The following RIMKLA variants were observed in gnomAD, a reference collection of about 807,000 sequenced individuals.
RIMKLA encodes the protein ribosomal modification protein rimK like family member A, also known as N-acetylaspartylglutamate synthase A.
RIMKLA carries 14 observed loss-of-function variants against 32.7 expected under a neutral mutation model. The ratio of observed to expected loss-of-function variants is 0.43; its 90% CI spans 0.28 to 0.67. The LOEUF is 0.67. Among genes scored for constraint, RIMKLA ranks in the 30% least tolerant of loss-of-function variants. The pLI is 0.18. For missense variants in RIMKLA, 410 were observed against 519.0 expected, an observed-to-expected ratio of 0.79 and a Z score of 2.04; for synonymous variants, 176 against 204.1, an observed-to-expected ratio of 0.86 and a Z score of 1.18.
rs1420276203 is a variant in RIMKLA, at chr1:42,417,484, T to G, written c.*2510T>G. ...CAGAGCCTGGTTCTGGTTCTCCGCT[T>G]GAACAGCTGACCTCGTGCAATCACA... On this transcript the variant is annotated 3_prime_UTR_variant, in exon 5 of 5. Coordinates refer to ENST00000431473, the MANE Select transcript of RIMKLA (RefSeq NM_173642.4). 6.6e-6 allele frequency: 1 copy of G among 152,160 alleles called. No individual in the cohort carries two copies. Among genetic ancestry groups the G allele is most frequent in the Non-Finnish European group, 1.5e-5 (1 of 68,020 alleles). 9.4% of individuals were successfully genotyped at this position (152,160 alleles called of 1,614,324 possible).
intron 3 of RIMKLA, among the ~76,000 whole-genome samples, chr1:42,407,903 A>T (rs1643161326): frequency 6.6e-6 from 1 of 152,170 alleles, no homozygotes. Flanking sequence ...TTCTTGCCTT[A>T]AAACTGTGGC....
chr1:42,414,556 G>C lies in RIMKLA; in HGVS notation c.758G>C (p.Gly253Ala). Residue 253 changes from glycine (G) to alanine (A), a missense_variant, in exon 5 of 5, where the codon GGC (glycine) becomes GCC (alanine). Coordinates refer to ENST00000431473, the MANE Select transcript of RIMKLA (RefSeq NM_173642.4). ...GCTATTCAGGTGTCCAACATCCTAG[G>C]CATGGACTTCTGTGGCATTGATCTC... ...QLAIQVSNIL[G>A]MDFCGIDLLI... is the part of the protein sequence containing the mutation. The C allele has an allele frequency of 6.2e-7, 1 of 1,614,194 alleles. No individual in the cohort carries two copies. The highest frequency in any genetic ancestry group is 8.5e-7 in the Non-Finnish European group (1 of 1,180,018).
At chr1:42,399,671 A>G in intron 2 of RIMKLA, 37 bp downstream of exon 2, 3 of 1,286,456 alleles carry the variant, frequency 2.3e-6, no homozygotes, top group Non-Finnish European at 3.3e-6. Flanking sequence ...AATCATGTGC[A>G]TCTCTGTTTT....
chr1:42,414,889 G>A lies in RIMKLA; in HGVS notation c.1091G>A (p.Ser364Asn). Reference sequence around the variant, plus strand: ...GGAGAGATCCGGGATTCCTCAGCAAGCACAATGGGGGCCCCACCCTCCATG... The same window carrying A: ...GGAGAGATCCGGGATTCCTCAGCAAACACAATGGGGGCCCCACCCTCCATG... ...ELGEIRDSSA[S>N]TMGAPPSMLP... Residue 364 changes from serine (S) to asparagine (N), a missense_variant, in exon 5 of 5, where the codon AGC (serine) becomes AAC (asparagine). Transcript: ENST00000431473. The A allele has an allele frequency of 3.1e-6, 5 of 1,614,180 alleles. No homozygotes were observed. The highest frequency in any genetic ancestry group is 4.2e-6 in the Non-Finnish European group (5 of 1,180,038).
chr1:42,409,093 T>C (rs1643173869), intron 3 of RIMKLA, among the ~76,000 whole-genome samples: 1 of 149,060 alleles, frequency 6.7e-6, no homozygotes, highest in Non-Finnish European at 1.5e-5. Context: ...TCCCAGCTAC[T>C]CCAGAGGCTA....
chr1:42,396,738 G>A (rs17369712), intron 1 of RIMKLA, among the ~76,000 whole-genome samples: 27,612 of 152,130 alleles, frequency 0.18, 2,610 homozygotes, highest in East Asian at 0.22. Context: ...ATCTCCATAA[G>A]TTGTCCTACT....
At chr1:42,414,202 A>C (rs1204146622) in intron 4 of RIMKLA, among the ~76,000 whole-genome samples, 3 of 151,672 alleles carry the variant, frequency 2.0e-5, no homozygotes, top group Admixed American at 2.0e-4. Context: ...TATTTTAAAT[A>C]ATACTGCCAT....
chr1:42,387,665 G>T (rs115861481), intron 1 of RIMKLA, among the ~76,000 whole-genome samples: 17 of 152,056 alleles, frequency 1.1e-4, no homozygotes, highest in African/African-American at 3.4e-4. Flanking sequence ...CAGGCTTCAC[G>T]CTCATTATTA....
chr1:42,411,608 G>A (rs1276428782), intron 4 of RIMKLA, among the ~76,000 whole-genome samples: 1 of 151,656 alleles, frequency 6.6e-6, no homozygotes, highest in Admixed American at 6.6e-5. Flanking sequence ...TTATAGGTGT[G>A]TACCACCACA....
intron 1 of RIMKLA, among the ~76,000 whole-genome samples, chr1:42,391,549 A>G (rs1233766520): frequency 1.3e-5 from 2 of 152,170 alleles, no homozygotes; most frequent in Non-Finnish European, 2.9e-5. Context: ...CTTGACTCAG[A>G]AAAAGAAGGA....
chr1:42,385,899 C>CTTTCTTTCTTTCT, intron 1 of RIMKLA, among the ~76,000 whole-genome samples: 1 of 24,032 alleles, frequency 4.2e-5, no homozygotes, highest in South Asian at 1.2e-3. Context: ...TCTTTCTTTC[C>CTTTCTTTCTTTCT]TTCTTTCCTT....
At chr1:42,384,565 A>ATATATATGTG (rs1225284548) in intron 1 of RIMKLA, among the ~76,000 whole-genome samples, 1 of 147,042 alleles carries the variant, frequency 6.8e-6, no homozygotes, top group South Asian at 2.1e-4. Flanking sequence ...GTATATATAC[A>ATATATATGTG]TATATATGTG....
At chr1:42,391,782 C>T (rs1312422235) in intron 1 of RIMKLA, among the ~76,000 whole-genome samples, 1 of 152,102 alleles carries the variant, frequency 6.6e-6, no homozygotes, top group African/African-American at 2.4e-5. Flanking sequence ...GCTTTGTCTT[C>T]ATAGCTGAAG....
Position 42,414,822 on chromosome 1 carries a change from A to G in RIMKLA, c.1024A>G (p.Ile342Val). ...GGGAGTTGCAGAGAGCGTCTATACC[A>G]TCAACAGTGGGTCTACCTCTAGTGA... is the stretch of plus-strand genomic sequence containing the variant. The part of the protein sequence containing the change: ...AQGVAESVYT[I>V]NSGSTSSESE... Residue 342 changes from isoleucine (I) to valine (V), a missense_variant, in exon 5 of 5, where the codon ATC becomes GTC. By Grantham distance (29) the Ile-to-Val change is conservative. Coordinates refer to ENST00000431473, the MANE Select transcript of RIMKLA (RefSeq NM_173642.4). 6.2e-7 allele frequency: 1 copy of G among 1,614,166 alleles called. No individual in the cohort carries two copies. The highest frequency in any genetic ancestry group is 8.5e-7 in the Non-Finnish European group (1 of 1,180,036).
intron 3 of RIMKLA, among the ~76,000 whole-genome samples, chr1:42,406,427 T>C (rs1045413345): frequency 6.6e-6 from 1 of 152,234 alleles, no homozygotes; most frequent in Admixed American, 6.5e-5. Flanking sequence ...AATAATACTT[T>C]CTGTTACTAT....
In RIMKLA at chr1:42,380,855, C is replaced by A; in HGVS notation, c.-80C>A. 1 of 984,670 alleles carries A rather than the reference C, an allele frequency of 1.0e-6. No individual in the cohort carries two copies. The highest frequency in any genetic ancestry group is 4.9e-5 in the South Asian group (1 of 20,530). 61.0% of individuals were successfully genotyped at this position (984,670 alleles called of 1,614,324 possible). A position where few individuals can be genotyped will look rare whatever the true frequency, so the allele number is the denominator to read the frequency against. On this transcript the variant is annotated 5_prime_UTR_variant, in exon 1 of 5. Transcript: ENST00000431473. ...GCGCGCTCGCCCCGGACGCCGGCCG[C>A]CCCTCCGCTCGCCCTACTGAGCGAG...
At position 42,416,088 on chromosome 1, in the gene RIMKLA, G is replaced by A. The variant is rs1325983577; in HGVS notation, c.*1114G>A. 3 of 28,572 alleles carry A rather than the reference G, an allele frequency of 1.0e-4. No individual in the cohort carries two copies. The highest frequency in any genetic ancestry group is 7.4e-5 in the Non-Finnish European group (1 of 13,516). 1.8% of individuals were successfully genotyped at this position (28,572 alleles called of 1,614,324 possible). On this transcript the variant is annotated 3_prime_UTR_variant, in exon 5 of 5. Transcript: ENST00000431473. Reference sequence around the variant, plus strand: ...AGGAATTACCCATTGCACATTTTGCGGGGGGGGGGGCTAATGTAGACATGA... The same window carrying A: ...AGGAATTACCCATTGCACATTTTGCAGGGGGGGGGGCTAATGTAGACATGA...
At chr1:42,404,348 C>CCTTAAACAAGGTAAG (rs1643126236) in intron 2 of RIMKLA, among the ~76,000 whole-genome samples, 163 bp from the exon 3 acceptor site, 1 of 152,176 alleles carries the variant, frequency 6.6e-6, no homozygotes, top group South Asian at 2.1e-4. Flanking sequence ...CCACCTTTTA[C>CCTTAAACAAGGTAAG]CTTGCAGGTA....
intron 1 of RIMKLA, among the ~76,000 whole-genome samples, chr1:42,388,634 G>T (rs566999120): frequency 6.6e-5 from 10 of 150,646 alleles, no homozygotes; most frequent in African/African-American, 2.2e-4. Flanking sequence ...GTTCTCTGCC[G>T]CAGCCTCCCA....
Sources: allele counts gnomAD v4.1 joint callset (sites outside exome capture counted in the v4.1 genomes callset), GRCh38; gene constraint gnomAD v4.1.1; transcripts MANE v1.5; gene names NCBI Gene and HGNC (gene_info 2026-07-23, HGNC 2026-07-21).